The following PGGT1B variants were observed in gnomAD, a reference collection of about 807,000 sequenced individuals.
PGGT1B encodes protein geranylgeranyltransferase type I subunit beta.
PGGT1B carries 30 observed loss-of-function variants against 46.1 expected under a neutral mutation model. The observed-to-expected ratio is 0.65, with a 90% CI of 0.49 to 0.88. The LOEUF is 0.88. PGGT1B is among the 40% of genes least tolerant of loss of function. The pLI is 0.00. For missense variants in PGGT1B, 376 were observed against 455.9 expected, an observed-to-expected ratio of 0.82 and a Z score of 1.60; for synonymous variants, 170 against 160.0, an observed-to-expected ratio of 1.06 and a Z score of -0.47.
chr5:115,231,481 AC>A (rs1306371775), intron 5 of PGGT1B: 4 of 152,112 alleles, frequency 2.6e-5, no homozygotes, highest in African/African-American at 9.7e-5. Context: ...CTCCCCACAT[AC>A]ACTCCAAAAT....
chr5:115,240,982 T>C (rs1757330211), intron 3 of PGGT1B, among the ~76,000 whole-genome samples: 1 of 152,212 alleles, frequency 6.6e-6, no homozygotes, highest in African/African-American at 2.4e-5. Flanking sequence ...CTCACTGTTT[T>C]TATATTGGCA....
chr5:115,250,833 G>T (rs1467240723), intron 2 of PGGT1B, among the ~76,000 whole-genome samples: 1 of 152,066 alleles, frequency 6.6e-6, no homozygotes, highest in Non-Finnish European at 1.5e-5. Context: ...GCCCAGACTG[G>T]TTTGACCTAT....
chr5:115,249,834 A>T (rs991076046), intron 2 of PGGT1B, among the ~76,000 whole-genome samples: 2 of 152,196 alleles, frequency 1.3e-5, no homozygotes, highest in African/African-American at 4.8e-5. Flanking sequence ...TTACTGCATA[A>T]TATTCTTTAC....
intron 1 of PGGT1B, among the ~76,000 whole-genome samples, chr5:115,258,977 T>C (rs1225652376): frequency 1.3e-5 from 2 of 152,220 alleles, no homozygotes; most frequent in Non-Finnish European, 2.9e-5. Flanking sequence ...ACCTTAGACG[T>C]TCTCTGCTGC....
At chr5:115,237,235 A>C (rs190776120) in intron 4 of PGGT1B, among the ~76,000 whole-genome samples, 19 of 152,332 alleles carry the variant, frequency 1.2e-4, no homozygotes, top group Admixed American at 1.1e-3. Context: ...CAGAGCTATT[A>C]GTAGATGGAG....
chr5:115,229,588 A>G (rs1756913775), intron 6 of PGGT1B, among the ~76,000 whole-genome samples: 1 of 152,138 alleles, frequency 6.6e-6, no homozygotes, highest in South Asian at 2.1e-4. Context: ...TCTGTTTCAT[A>G]TTCCAGAGAA....
In PGGT1B at chr5:115,219,857, G is replaced by A. The variant is rs190485718; in HGVS notation, c.843+1967C>T. ...AGACACTCAATATCATTAGAAAAAA[G>A]CAAATCAAAACCACAATGAAATGAC... is the stretch of plus-strand genomic sequence containing the variant. On this transcript the variant is annotated intron_variant, in intron 7 of 8. Transcript: ENST00000419445. Among the ~76,000 whole-genome samples the A allele has an allele frequency of 1.7e-4, 26 of 151,850 alleles. No individual in the cohort carries two copies. The East Asian group carries it at 5.0e-3, about 29-fold the overall frequency.
chr5:115,205,407 T>G lies in PGGT1B; in HGVS notation c.*6995A>C, dbSNP rs982497606. ...TTTTAATGGCCACCCTTAATTTAGT[T>G]AGAGCCTCAAGATATTTAATGAAAA... On this transcript the variant is annotated 3_prime_UTR_variant, in exon 9 of 9. Transcript: ENST00000419445. 2.0e-5 allele frequency: 3 copies of G among 152,100 alleles called. No individual in the cohort carries two copies. The highest frequency in any genetic ancestry group is 4.4e-5 in the Non-Finnish European group (3 of 67,990). The allele number at this position is 152,100 out of a possible 1,614,324, so 9.4% of individuals were successfully genotyped here. A position where few individuals can be genotyped will look rare whatever the true frequency, so the allele number is the denominator to read the frequency against.
At chr5:115,257,242 G>T (rs1411594486) in intron 1 of PGGT1B, among the ~76,000 whole-genome samples, 2 of 152,192 alleles carry the variant, frequency 1.3e-5, no homozygotes, top group Non-Finnish European at 2.9e-5. Flanking sequence ...GATGGGCGCA[G>T]TGGCTCACTC....
chr5:115,262,514 C>A, intron 1 of PGGT1B, 198 bp downstream of exon 1: 1 of 602,410 alleles, frequency 1.7e-6, no homozygotes, highest in Non-Finnish European at 2.9e-6. Flanking sequence ...TGCCACAGCC[C>A]TCGACCTACA....
intron 7 of PGGT1B, among the ~76,000 whole-genome samples, chr5:115,219,850 G>C (rs967309373): frequency 2.0e-5 from 3 of 151,614 alleles, no homozygotes; most frequent in Non-Finnish European, 4.4e-5. Context: ...AATATCATTA[G>C]AAAAAAGCAA....
chr5:115,226,762 G>GAC (rs1756797851), intron 6 of PGGT1B, among the ~76,000 whole-genome samples: 1 of 151,700 alleles, frequency 6.6e-6, no homozygotes. Context: ...GATAAACAGA[G>GAC]GTAAGTACCA....
chr5:115,234,148 T>C (rs1309133743), intron 5 of PGGT1B, among the ~76,000 whole-genome samples: 1 of 126,670 alleles, frequency 7.9e-6, no homozygotes. Context: ...TAAGGAGTAA[T>C]TTTCACATTG....
intron 5 of PGGT1B, among the ~76,000 whole-genome samples, chr5:115,234,767 G>C (rs1372149902): frequency 1.3e-5 from 2 of 151,930 alleles, no homozygotes; most frequent in Non-Finnish European, 2.9e-5. Flanking sequence ...ATGAAAGGAC[G>C]AAAGTTAAAA....
chr5:115,255,371 T>C (rs1748268142), intron 1 of PGGT1B, among the ~76,000 whole-genome samples: 1 of 152,148 alleles, frequency 6.6e-6, no homozygotes, highest in Non-Finnish European at 1.5e-5. Context: ...GGTAATTATG[T>C]CTCATGAGAG....
chr5:115,240,250 T>C (rs1247383013), intron 3 of PGGT1B, among the ~76,000 whole-genome samples: 1 of 152,214 alleles, frequency 6.6e-6, no homozygotes. Context: ...AATGGTTTTT[T>C]CTTCAATTTT....
rs925706486 is a variant in PGGT1B at position 115,208,455 on chromosome 5, T to C, written c.*3947A>G. Reference sequence around the variant, plus strand: ...GTAATTGGTTTGTTGTGACTTTATCTACCTAGAGTAAATTTTGGCAATTTG... The same window carrying C: ...GTAATTGGTTTGTTGTGACTTTATCCACCTAGAGTAAATTTTGGCAATTTG... On this transcript the variant is annotated 3_prime_UTR_variant, in exon 9 of 9. Transcript: ENST00000419445. The C allele has an allele frequency of 6.6e-6, 1 of 152,068 alleles. No individual in the cohort carries two copies. The highest frequency in any genetic ancestry group is 1.5e-5 in the Non-Finnish European group (1 of 67,956). 9.4% of individuals were successfully genotyped at this position (152,068 alleles called of 1,614,324 possible). A position where few individuals can be genotyped will look rare whatever the true frequency, so the allele number is the denominator to read the frequency against.
At position 115,211,323 on chromosome 5, in the gene PGGT1B, T is replaced by C. The variant is rs1330196356; in HGVS notation, c.*1079A>G. 1.3e-5 allele frequency: 2 copies of C among 151,992 alleles called. No individual in the cohort carries two copies. Among genetic ancestry groups the C allele is most frequent in the African/African-American group, 2.4e-5 (1 of 41,418 alleles). 9.4% of individuals were successfully genotyped at this position (151,992 alleles called of 1,614,324 possible). ...ACAATGAACAAAAACAAAACCCTAT[T>C]TCTTACCCTCTAAATGGTCGCATTT... On this transcript the variant is annotated 3_prime_UTR_variant, in exon 9 of 9. Transcript: ENST00000419445.
intron 1 of PGGT1B, among the ~76,000 whole-genome samples, chr5:115,254,494 T>C (rs531320347): frequency 6.6e-6 from 1 of 152,090 alleles, no homozygotes; most frequent in East Asian, 1.9e-4. Flanking sequence ...TGTGGCTTCA[T>C]GTCAGTGCTC....
Sources: gnomAD v4.1 joint callset for allele counts (sites outside exome capture counted in the v4.1 genomes callset) on GRCh38, gnomAD v4.1.1 for gene constraint, MANE v1.5 for transcripts, NCBI Gene and HGNC (gene_info 2026-07-23, HGNC 2026-07-21) for gene names.